The following SLC1A4 variants were observed in gnomAD, a reference collection of about 807,000 sequenced individuals.
SLC1A4 encodes solute carrier family 1 member 4, also known as neutral amino acid transporter A.
Under a neutral mutation model 37.7 loss-of-function variants are expected in SLC1A4, and 19 were observed. That is an observed-to-expected ratio of 0.50 (90% confidence interval 0.35 to 0.74). SLC1A4 has a LOEUF of 0.74. Ranked by LOEUF, SLC1A4 falls within the 30% of genes least tolerant of loss-of-function variation. SLC1A4 has a pLI of 0.01. For missense variants in SLC1A4, 570 were observed against 712.9 expected (o/e 0.80, Z 2.28); for synonymous variants, 299 against 309.8 (o/e 0.97, Z 0.37).
intron 3 of SLC1A4, among the ~76,000 whole-genome samples, chr2:65,010,372 A>G (rs1176574178): frequency 1.3e-5 from 2 of 152,198 alleles, no homozygotes; most frequent in African/African-American, 2.4e-5. Flanking sequence ...CAGCTTTCAG[A>G]GTTAACTAGA....
At chr2:65,020,630 A>T (rs1173870175) in intron 7 of SLC1A4, among the ~76,000 whole-genome samples, 1 of 152,198 alleles carries the variant, frequency 6.6e-6, no homozygotes, top group African/African-American at 2.4e-5. Flanking sequence ...AGGTGACTGG[A>T]AGGAAATAGA....
rs1572936867 is a variant in SLC1A4 at position 64,989,520 on chromosome 2, C to A, written c.-124C>A. ...CTGCTCCTGCGCCAGGCCCGGAGAC[C>A]CCCGGGGCGGCTTCCCAGAACCTGC... On this transcript the variant is annotated 5_prime_UTR_variant, in exon 1 of 8. Transcript: ENST00000234256. 1 of 863,316 alleles carries A rather than the reference C, an allele frequency of 1.2e-6. No individual in the cohort carries two copies. The highest frequency in any genetic ancestry group is 1.6e-6 in the Non-Finnish European group (1 of 627,270). 53.5% of individuals were successfully genotyped at this position (863,316 alleles called of 1,614,324 possible).
Position 65,020,973 on chromosome 2 carries a change from C to T in SLC1A4, c.1426C>T (p.His476Tyr). Residue 476 changes from histidine (H) to tyrosine (Y), a missense_variant, in exon 8 of 8, where the codon CAC becomes TAC. His to Tyr is a moderately conservative substitution (Grantham distance 83). Transcript: ENST00000234256. ...TGCCCTGGGTGCAGGCATTCTCCAC[C>T]ACCTGAATCAGAAGGCAACAAAGAA... ...GDALGAGILH[H>Y]LNQKATKKGE... 1.2e-6 allele frequency: 2 copies of T among 1,614,212 alleles called. No homozygotes were observed. Among genetic ancestry groups the T allele is most frequent in the South Asian group, 1.1e-5 (1 of 91,084 alleles).
chr2:65,009,565 AAT>A (rs1314320435), intron 3 of SLC1A4, among the ~76,000 whole-genome samples: 19 of 152,204 alleles, frequency 1.2e-4, no homozygotes, highest in African/African-American at 4.3e-4. Context: ...TTTAGAAAGA[AAT>A]TTGTGATGAT....
intron 2 of SLC1A4, among the ~76,000 whole-genome samples, chr2:65,002,830 C>G (rs1239681155): frequency 1.3e-5 from 2 of 152,086 alleles, no homozygotes; most frequent in Non-Finnish European, 2.9e-5. Flanking sequence ...CCCGCCTCGG[C>G]CTCCCAAAGT....
chr2:65,007,721 G>A (rs1028164206), intron 3 of SLC1A4, among the ~76,000 whole-genome samples: 2 of 152,132 alleles, frequency 1.3e-5, no homozygotes, highest in African/African-American at 4.8e-5. Context: ...TAATAAATGT[G>A]CATAGTTTGG....
chr2:65,006,984 G>C (rs1673702101), intron 3 of SLC1A4, among the ~76,000 whole-genome samples: 1 of 152,174 alleles, frequency 6.6e-6, no homozygotes, highest in East Asian at 1.9e-4. Flanking sequence ...TCTGACCCGT[G>C]GCTCTATCTT....
chr2:65,023,523 C>T lies in SLC1A4; in HGVS notation c.*2377C>T, dbSNP rs140362293. The T allele has an allele frequency of 5.9e-3, 893 of 152,396 alleles. 6 individuals carry two copies. Among genetic ancestry groups the T allele is most frequent in the Non-Finnish European group, 8.6e-3 (588 of 68,036 alleles). The allele number at this position is 152,396 out of a possible 1,614,324, so 9.4% of individuals were successfully genotyped here. ...AGAGCTGGACTTAAGACTCATTGGC[C>T]GACCATCCTGTGTCCTGGCCTGGCC... On this transcript the variant is annotated 3_prime_UTR_variant, in exon 8 of 8. Coordinates refer to ENST00000234256, the MANE Select transcript of SLC1A4 (RefSeq NM_003038.5).
intron 2 of SLC1A4, 140 bp from the exon 3 acceptor site, chr2:65,003,813 G>A: frequency 1.6e-6 from 1 of 636,504 alleles, no homozygotes; most frequent in Non-Finnish European, 2.8e-6. Flanking sequence ...GCTTTTGTCA[G>A]GCCAGCCAAG....
chr2:65,013,148 A>G (rs1043081155), intron 4 of SLC1A4, among the ~76,000 whole-genome samples: 23 of 152,212 alleles, frequency 1.5e-4, no homozygotes, highest in African/African-American at 5.3e-4. Flanking sequence ...TTACAATTCA[A>G]TATGAGATTT....
At position 65,018,467 on chromosome 2, in the gene SLC1A4, G is replaced by A; in HGVS notation, c.1230-78G>A. 6.4e-7 allele frequency: 1 copy of A among 1,570,386 alleles called. No homozygotes were observed. The stretch of plus-strand genomic sequence containing the variant: ...GCGGTTTTTAGTTTCCAGCCACATT[G>A]CAGCTGCATGGTCTGCATTTCTCTG... On this transcript the variant is annotated intron_variant, in intron 6 of 7. Transcript: ENST00000234256. The surrounding 1 kb of genome is among the most constrained non-coding windows in gnomAD (Gnocchi z 4.3).
rs1674283552 is a variant in SLC1A4, at chr2:65,018,665, T to C, written c.1350T>C (p.Ala450=). The change falls in exon 7 of 8, where the codon GCT becomes GCC. Residue 450 remains alanine, a synonymous_variant. Coordinates refer to ENST00000234256, the MANE Select transcript of SLC1A4 (RefSeq NM_003038.5). The surrounding 1 kb of genome is among the most constrained non-coding windows in gnomAD (Gnocchi z 4.3). The part of the protein sequence containing the change: ...LPTHDLPLIL[A]VDWIVDRTTT... ...CTCATGACCTGCCTCTGATCCTGGC[T>C]GTGGACTGGATTGTGTAAGTAACAA... The C allele has an allele frequency of 2.5e-6, 4 of 1,614,202 alleles. No individual in the cohort carries two copies. The highest frequency in any genetic ancestry group is 3.4e-6 in the Non-Finnish European group (4 of 1,180,020).
At position 64,990,018 on chromosome 2, in the gene SLC1A4, A is replaced by C; in HGVS notation, c.375A>C (p.Thr125=). The C allele has an allele frequency of 6.2e-7, 1 of 1,602,308 alleles. No homozygotes were observed. The highest frequency in any genetic ancestry group is 1.1e-5 in the South Asian group (1 of 89,008). The change falls in exon 1 of 8, where the codon ACA becomes ACC. Residue 125 remains threonine (T), a synonymous_variant. Transcript: ENST00000234256. ...CTGTCGCCTACTTTGGCCTCACCAC[A>C]CTGAGTGCCTCGGCGCTCGCCGTGG... ...GIAVAYFGLT[T]LSASALAVAL...
rs145706456 is a variant in SLC1A4 at position 65,001,454 on chromosome 2, G to A, written c.534G>A (p.Leu178=). Residue 178 remains leucine (L), a synonymous_variant, in exon 2 of 8, where the codon CTG becomes CTA. Coordinates refer to ENST00000234256, the MANE Select transcript of SLC1A4 (RefSeq NM_003038.5). The part of the protein sequence containing the change: ...VDSFLDLARN[L]FPSNLVVAAF... ...ATGCTTTCTTTTCCAACAGAAACCTGTTTCCCTCCAATCTTGTGGTTGCAG... is the reference window on the plus strand; with the variant it reads ...ATGCTTTCTTTTCCAACAGAAACCTATTTCCCTCCAATCTTGTGGTTGCAG... The A allele has an allele frequency of 1.5e-5, 24 of 1,613,810 alleles. No individual in the cohort carries two copies. Among genetic ancestry groups the A allele is most frequent in the Non-Finnish European group, 3.4e-6 (4 of 1,179,884 alleles).
intron 1 of SLC1A4, among the ~76,000 whole-genome samples, chr2:64,998,728 C>G (rs1324025663): frequency 6.6e-6 from 1 of 152,100 alleles, no homozygotes; most frequent in Non-Finnish European, 1.5e-5. Flanking sequence ...TTGGGCAGGA[C>G]AGATAGACAG....
chr2:65,014,601 G>A (rs1367428784), intron 4 of SLC1A4, among the ~76,000 whole-genome samples: 1 of 152,140 alleles, frequency 6.6e-6, no homozygotes, highest in Non-Finnish European at 1.5e-5. Context: ...AATCATCCCT[G>A]GATAAGAACC....
At chr2:64,998,438 C>A (rs1673349054) in intron 1 of SLC1A4, among the ~76,000 whole-genome samples, 1 of 150,602 alleles carries the variant, frequency 6.6e-6, no homozygotes, top group African/African-American at 2.4e-5. Context: ...AAAAAAAAAT[C>A]TAGGAATGGA....
At chr2:65,004,549 A>G (rs1357377544) in intron 3 of SLC1A4, among the ~76,000 whole-genome samples, 1 of 151,818 alleles carries the variant, frequency 6.6e-6, no homozygotes, top group East Asian at 1.9e-4. Flanking sequence ...TTGCCTCCCA[A>G]AGTGCTGGGA....
At chr2:64,995,628 G>A (rs1220350183) in intron 1 of SLC1A4, among the ~76,000 whole-genome samples, 1 of 152,028 alleles carries the variant, frequency 6.6e-6, no homozygotes, top group Non-Finnish European at 1.5e-5. Flanking sequence ...GATCTGAAGG[G>A]TCACATCCCT....
Sources: allele counts gnomAD v4.1 joint callset (sites outside exome capture counted in the v4.1 genomes callset), GRCh38; gene constraint gnomAD v4.1.1; non-coding constraint Gnocchi (gnomAD v3.1); transcripts MANE v1.5; gene names NCBI Gene and HGNC (gene_info 2026-07-23, HGNC 2026-07-21).